Variants in ITGA8 observed in about 807,000 individuals in gnomAD.
ITGA8 encodes integrin subunit alpha 8, also known as integrin alpha-8.
ITGA8 carries 91 observed loss-of-function variants against 142.3 expected under a neutral mutation model. That is an observed-to-expected ratio of 0.64 (90% confidence interval 0.54 to 0.76). The LOEUF (loss-of-function observed/expected upper bound fraction) is 0.76. ITGA8 is among the 30% of genes least tolerant of loss of function. The probability of loss-of-function intolerance (pLI) is 0.00; values close to 1 mark genes in which losing one functional copy is unlikely to be tolerated. For missense variants in ITGA8, 1,406 were observed against 1,327.7 expected, an observed-to-expected ratio of 1.06 and a Z score of -0.92; for synonymous variants, 505 against 485.2, an observed-to-expected ratio of 1.04 and a Z score of -0.54.
At chr10:15,589,570 G>C (rs1055861069) in intron 22 of ITGA8, among the ~76,000 whole-genome samples, 1 of 152,108 alleles carries the variant, frequency 6.6e-6, no homozygotes, top group East Asian at 1.9e-4. Context: ...GTCAATATAT[G>C]CCTGTAAGAG....
At chr10:15,566,551 C>T (rs1834084622) in intron 25 of ITGA8, among the ~76,000 whole-genome samples, 1 of 152,084 alleles carries the variant, frequency 6.6e-6, no homozygotes, top group Non-Finnish European at 1.5e-5. Context: ...TGGCTCATGC[C>T]TGTAATCCCA....
intron 2 of ITGA8, among the ~76,000 whole-genome samples, chr10:15,693,786 A>T (rs976061526): frequency 2.0e-5 from 3 of 152,196 alleles, no homozygotes; most frequent in Non-Finnish European, 4.4e-5. Flanking sequence ...CGAAGGTTCC[A>T]TGAGATAAGT....
At chr10:15,586,765 T>G in intron 22 of ITGA8, 101 bp from the exon 23 acceptor site, 1 of 679,548 alleles carries the variant, frequency 1.5e-6, no homozygotes, top group South Asian at 1.8e-5. Flanking sequence ...GAACACACGT[T>G]ACTAACCTGA....
At chr10:15,674,198 ACTGT>A (rs1564403378) in intron 6 of ITGA8, among the ~76,000 whole-genome samples, 1 of 152,170 alleles carries the variant, frequency 6.6e-6, no homozygotes, top group East Asian at 1.9e-4. Context: ...GTTTCTGAAC[ACTGT>A]CTGTAGAATT....
chr10:15,668,211 G>T (rs1834435079), intron 8 of ITGA8, among the ~76,000 whole-genome samples: 1 of 151,954 alleles, frequency 6.6e-6, no homozygotes, highest in African/African-American at 2.4e-5. Flanking sequence ...TTCTGTATTG[G>T]GTGCATATAT....
Position 15,660,908 on chromosome 10 carries a change from T to A in ITGA8, c.862A>T (p.Ile288Phe). 6.2e-7 allele frequency: 1 copy of A among 1,613,796 alleles called. No individual in the cohort carries two copies. The highest frequency in any genetic ancestry group is 8.5e-7 in the Non-Finnish European group (1 of 1,179,780). Reference protein sequence around the residue: ...GDSQQELVAGIPRGAQNFGYV... With the variant: ...GDSQQELVAGFPRGAQNFGYV... The stretch of plus-strand genomic sequence containing the variant: ...CCAAAATTCTGTGCTCCTCTTGGAA[T>A]TCCAGCAACCAATTCTGGGGATGAA... The change falls in exon 9 of 30, where the codon ATT becomes TTT. Residue 288 changes from isoleucine (I) to phenylalanine (F), a missense_variant. Transcript: ENST00000378076.
chr10:15,706,384 C>G (rs751831318), intron 2 of ITGA8, among the ~76,000 whole-genome samples: 5 of 152,110 alleles, frequency 3.3e-5, no homozygotes, highest in Non-Finnish European at 7.4e-5. Context: ...TACCTAGTCT[C>G]CTTGCTTGCT....
At chr10:15,693,150 TG>T (rs1368971092) in intron 2 of ITGA8, among the ~76,000 whole-genome samples, 18 of 152,358 alleles carry the variant, frequency 1.2e-4, no homozygotes, top group Middle Eastern at 6.8e-3. Flanking sequence ...ATTTCACACA[TG>T]GTTCTAATTG....
Position 15,718,853 on chromosome 10 carries a change from C to CGGGCTG in ITGA8, c.250_255dup (p.Gln84_Pro85dup), listed in dbSNP as rs781524352. On this transcript the variant is annotated inframe_insertion, in exon 2 of 30. Transcript: ENST00000378076. ...TAGACGGCTCCCCCTTCCACGATAT[C>CGGGCTG]GGGCTGGCTGGTGTTGGCTTTGGGC... is the stretch of plus-strand genomic sequence containing the variant. 1.2e-6 allele frequency: 2 copies of CGGGCTG among 1,614,162 alleles called. No individual in the cohort carries two copies. Among genetic ancestry groups the CGGGCTG allele is most frequent in the South Asian group, 1.1e-5 (1 of 91,060 alleles).
At chr10:15,521,655 C>A (rs1465402601) in intron 28 of ITGA8, among the ~76,000 whole-genome samples, 1 of 152,156 alleles carries the variant, frequency 6.6e-6, no homozygotes, top group East Asian at 1.9e-4. Flanking sequence ...GGAATTATTT[C>A]ATCTTATCTT....
intron 1 of ITGA8, 138 bp downstream of exon 1, chr10:15,719,425 C>A: frequency 2.9e-6 from 2 of 681,126 alleles, no homozygotes; most frequent in East Asian, 3.3e-5. Flanking sequence ...GGGCTGGTGG[C>A]GGGGAGAGGG....
Position 15,592,252 on chromosome 10 carries a change from C to A in ITGA8, c.2264G>T (p.Ser755Ile). ...AVPRLEKTNM[S>I]INFDLQIRSS... The stretch of plus-strand genomic sequence containing the variant: ...TCTGATTTGGAGATCGAAGTTAATG[C>A]TCATGTTTGTTTTCTCAAGACGTGG... Residue 755 changes from serine to isoleucine, a missense_variant, in exon 22 of 30, where the codon AGC (serine) becomes ATC (isoleucine). Coordinates refer to ENST00000378076, the MANE Select transcript of ITGA8 (RefSeq NM_003638.3). 1 of 1,613,712 alleles carries A rather than the reference C, an allele frequency of 6.2e-7. No homozygotes were observed. Among genetic ancestry groups the A allele is most frequent in the Non-Finnish European group, 8.5e-7 (1 of 1,179,714 alleles).
In ITGA8 at chr10:15,655,659, T is replaced by C. The variant is rs566741230; in HGVS notation, c.949-253A>G. ...TGTTCAACAATCAGCCCATTTAATC[T>C]GTGGACACAGCTATCGGAATGTTCA... On this transcript the variant is annotated intron_variant, in intron 10 of 29. Coordinates refer to ENST00000378076, the MANE Select transcript of ITGA8 (RefSeq NM_003638.3). 6.6e-5 allele frequency among the ~76,000 whole-genome samples: 10 copies of C among 152,312 alleles called. No individual in the cohort carries two copies. In the East Asian group the frequency reaches 1.9e-3, roughly 29 times the overall value.
At chr10:15,549,503 G>A (rs1277197097) in intron 26 of ITGA8, among the ~76,000 whole-genome samples, 1 of 152,104 alleles carries the variant, frequency 6.6e-6, no homozygotes, top group Non-Finnish European at 1.5e-5. Context: ...GAACCACCAT[G>A]CCTGGCCTCA....
chr10:15,519,238 T>G, intron 29 of ITGA8, 52 bp downstream of exon 29: 1 of 1,602,254 alleles, frequency 6.2e-7, no homozygotes, highest in Non-Finnish European at 8.5e-7. Flanking sequence ...TCCCTCTAAA[T>G]TCCCTCAACA....
chr10:15,719,034 C>A (rs1835507310), intron 1 of ITGA8, 135 bp from the exon 2 acceptor site: 7 of 1,323,904 alleles, frequency 5.3e-6, no homozygotes, highest in Non-Finnish European at 7.2e-6. Context: ...TGAGGACCGA[C>A]TGTCAAACTT....
intron 26 of ITGA8, 46 bp downstream of exon 26, chr10:15,558,028 C>A (rs778667154): frequency 6.2e-7 from 1 of 1,609,678 alleles, no homozygotes; most frequent in African/African-American, 1.3e-5. Flanking sequence ...GGGTTCTATC[C>A]AAGCCACTCA....
intron 23 of ITGA8, among the ~76,000 whole-genome samples, chr10:15,581,075 C>T (rs944817007): frequency 6.6e-6 from 1 of 152,200 alleles, no homozygotes; most frequent in Non-Finnish European, 1.5e-5. Context: ...CTTTGTTTGC[C>T]TGGGGCCTTG....
At chr10:15,716,360 C>A (rs1588749144) in intron 2 of ITGA8, among the ~76,000 whole-genome samples, 1 of 152,186 alleles carries the variant, frequency 6.6e-6, no homozygotes, top group Admixed American at 6.5e-5. Context: ...GTGGAATGAG[C>A]AGCATCAATC....
Sources: allele counts gnomAD v4.1 joint callset (sites outside exome capture counted in the v4.1 genomes callset), GRCh38; gene constraint gnomAD v4.1.1; transcripts MANE v1.5; gene names NCBI Gene and HGNC (gene_info 2026-07-23, HGNC 2026-07-21).